The following PRELID2 variants were observed in gnomAD, a reference collection of about 807,000 sequenced individuals.
PRELID2 encodes PRELI domain-containing protein 2.
Under a neutral mutation model 28.4 loss-of-function variants are expected in PRELID2, and 25 were observed. The observed-to-expected ratio is 0.88, with a 90% CI of 0.64 to 1.23. The LOEUF (loss-of-function observed/expected upper bound fraction) is 1.23. PRELID2 is among the 50% of genes most tolerant of loss of function. PRELID2 has a pLI of 0.00. For missense variants in PRELID2, 201 were observed against 214.4 expected (o/e 0.94, Z 0.39); for synonymous variants, 76 against 71.6 (o/e 1.06, Z -0.31).
the PRELID2 span, among the ~76,000 whole-genome samples, chr5:145,326,830 A>G: frequency 2.6e-5 from 4 of 152,156 alleles, no homozygotes; most frequent in African/African-American, 9.6e-5. Flanking sequence ...TTAACTATAA[A>G]AGAAAAAAAA....
chr5:145,708,370 T>A (rs1343499542), intron 1 of PRELID2, among the ~76,000 whole-genome samples: 1 of 152,174 alleles, frequency 6.6e-6, no homozygotes, highest in East Asian at 1.9e-4. Context: ...TTGCTTAACC[T>A]CTCTGGGAAC....
the PRELID2 span, chr5:145,441,085 A>G: frequency 6.6e-6 from 1 of 152,112 alleles, no homozygotes; most frequent in Non-Finnish European, 1.5e-5. Context: ...TGCAAAGACA[A>G]AAATGGAAAC....
At chr5:145,430,534 G>T in the PRELID2 span, among the ~76,000 whole-genome samples, 1 of 152,082 alleles carries the variant, frequency 6.6e-6, no homozygotes. Flanking sequence ...ACTGCCCATT[G>T]TCTAGGCCTG....
the PRELID2 span, among the ~76,000 whole-genome samples, chr5:145,308,074 A>T: frequency 7.9e-5 from 12 of 152,302 alleles, no homozygotes; most frequent in Admixed American, 3.9e-4. Flanking sequence ...ACACTCTCTT[A>T]AAAGCCACCA....
the PRELID2 span, among the ~76,000 whole-genome samples, chr5:145,270,480 G>A: frequency 1.5e-4 from 23 of 152,218 alleles, no homozygotes; most frequent in African/African-American, 5.5e-4. Flanking sequence ...CCATAAAAGA[G>A]TGCATAGTGT....
intron 5 of PRELID2, among the ~76,000 whole-genome samples, chr5:145,768,521 T>G (rs2149777168): frequency 1.3e-5 from 2 of 152,306 alleles, no homozygotes; most frequent in Non-Finnish European, 2.9e-5. Flanking sequence ...AACAAATCTC[T>G]GGACAATAAT....
At chr5:145,295,777 A>G in the PRELID2 span, among the ~76,000 whole-genome samples, 16 of 152,206 alleles carry the variant, frequency 1.1e-4, no homozygotes, top group African/African-American at 3.9e-4. Flanking sequence ...GACCTTGTTT[A>G]TCTTATCTAC....
intron 1 of PRELID2, among the ~76,000 whole-genome samples, chr5:145,641,571 T>G (rs1444180035): frequency 6.6e-6 from 1 of 152,244 alleles, no homozygotes; most frequent in Non-Finnish European, 1.5e-5. Context: ...TGCAGTTTTG[T>G]TACATAGGTA....
At chr5:145,310,268 G>T in the PRELID2 span, among the ~76,000 whole-genome samples, 1 of 152,186 alleles carries the variant, frequency 6.6e-6, no homozygotes, top group Non-Finnish European at 1.5e-5. Flanking sequence ...AGCTTCCTAT[G>T]TAGTTTGGAT....
Position 145,676,727 on chromosome 5 carries a change from T to C in PRELID2, n.70+88204A>G, listed in dbSNP as rs1477517226. On this transcript the variant is annotated intron_variant and non_coding_transcript_variant, in intron 1 of 2. Coordinates refer to the PRELID2 transcript ENST00000510259. ...TAAATAAACACCACCATCCATGAAA[T>C]AATGTGGAAAACAAATCCAATCTTA... Among the ~76,000 whole-genome samples, 2 of 152,176 alleles carry C rather than the reference T, an allele frequency of 1.3e-5. 1 individual carries two copies. Among genetic ancestry groups the C allele is most frequent in the Non-Finnish European group, 2.9e-5 (2 of 68,028 alleles).
At chr5:145,468,952 G>A (rs1260416519), downstream of PRELID2, among the ~76,000 whole-genome samples, 2 of 152,082 alleles carry the variant, frequency 1.3e-5, no homozygotes, top group East Asian at 3.9e-4. Flanking sequence ...GGCTTTTGTT[G>A]TCATTGCTTC....
chr5:145,824,395 C>G (rs1009455508), intron 1 of PRELID2, among the ~76,000 whole-genome samples: 1 of 150,274 alleles, frequency 6.7e-6, no homozygotes, highest in East Asian at 2.0e-4. Flanking sequence ...AAATACAAAA[C>G]TCTGACTGTG....
chr5:145,814,655 T>A (rs1754175282), intron 4 of PRELID2, among the ~76,000 whole-genome samples: 2 of 152,140 alleles, frequency 1.3e-5, no homozygotes, highest in Admixed American at 6.6e-5. Flanking sequence ...AGGGCTTTAC[T>A]ATTTCCATAA....
At chr5:145,245,378 G>A in the PRELID2 span, among the ~76,000 whole-genome samples, 6,162 of 151,274 alleles carry the variant, frequency 0.041, 410 homozygotes, top group African/African-American at 0.14. Flanking sequence ...AGGCAGACAC[G>A]GAAAGAGAAA....
the PRELID2 span, among the ~76,000 whole-genome samples, chr5:145,412,362 C>T: frequency 1.3e-5 from 2 of 152,202 alleles, no homozygotes; most frequent in South Asian, 4.1e-4. Context: ...ATCCACAGAT[C>T]TCTACGGCAG....
At chr5:145,825,012 G>A (rs923532326) in intron 1 of PRELID2, among the ~76,000 whole-genome samples, 3 of 151,794 alleles carry the variant, frequency 2.0e-5, no homozygotes, top group Admixed American at 2.0e-4. Context: ...GATCACTTGA[G>A]GTTAGGAGTT....
At position 145,696,361 on chromosome 5, in the gene PRELID2, T is replaced by A. The variant is rs7704096; in HGVS notation, n.70+68570A>T. On this transcript the variant is annotated intron_variant and non_coding_transcript_variant, in intron 1 of 2. Transcript: ENST00000510259. ...CCAAGATTCAGGAATTATGGTCCCTTCCAAGCACATATACCTCAGAGACAC... is the reference window on the plus strand; with the variant it reads ...CCAAGATTCAGGAATTATGGTCCCTACCAAGCACATATACCTCAGAGACAC... Among the ~76,000 whole-genome samples, 1,375 of 152,192 alleles carry A rather than the reference T, an allele frequency of 9.0e-3. 19 individuals carry two copies. The highest frequency in any genetic ancestry group is 0.03 in the African/African-American group (1,255 of 41,544).
the PRELID2 span, among the ~76,000 whole-genome samples, chr5:145,311,192 G>C: frequency 6.6e-6 from 1 of 152,164 alleles, no homozygotes; most frequent in East Asian, 1.9e-4. Context: ...GACATAGACT[G>C]ACCAAGACTC....
the PRELID2 span, among the ~76,000 whole-genome samples, chr5:145,348,133 A>C: frequency 2.0e-5 from 3 of 152,158 alleles, no homozygotes; most frequent in Admixed American, 6.6e-5. Flanking sequence ...GACATCAGAA[A>C]AGTTACGTGG....
Sources: gnomAD v4.1 joint callset for allele counts (sites outside exome capture counted in the v4.1 genomes callset) on GRCh38, gnomAD v4.1.1 for gene constraint, MANE v1.5 for transcripts, NCBI Gene and HGNC (gene_info 2026-07-23, HGNC 2026-07-21) for gene names.